LDLRAD3: variants seen among roughly 807,000 people sequenced by gnomAD.
LDLRAD3 encodes low density lipoprotein receptor class A domain containing 3, also known as low-density lipoprotein receptor class A domain-containing protein 3.
Under a neutral mutation model 29.4 loss-of-function variants are expected in LDLRAD3, and 20 were observed. That is an observed-to-expected ratio of 0.68 (90% CI 0.48 to 0.99). The LOEUF (loss-of-function observed/expected upper bound fraction) is 0.99. Ranked by LOEUF, LDLRAD3 falls within the 50% of genes least tolerant of loss-of-function variation. LDLRAD3 has a pLI of 0.00. For missense variants in LDLRAD3, 420 were observed against 454.3 expected (o/e 0.92, Z 0.69); for synonymous variants, 157 against 192.7 (o/e 0.81, Z 1.53).
chr11:36,076,224 C>A (rs1852998744), intron 2 of LDLRAD3, among the ~76,000 whole-genome samples: 1 of 147,872 alleles, frequency 6.8e-6, no homozygotes, highest in Non-Finnish European at 1.5e-5. Flanking sequence ...GTCCATCCGT[C>A]CATCCATCCA....
chr11:36,111,024 T>C (rs892252649), intron 4 of LDLRAD3, among the ~76,000 whole-genome samples: 1 of 152,076 alleles, frequency 6.6e-6, no homozygotes, highest in Non-Finnish European at 1.5e-5. Flanking sequence ...AGTGTGCATG[T>C]GTATGTGTGG....
intron 4 of LDLRAD3, among the ~76,000 whole-genome samples, chr11:36,152,963 C>G (rs1854297784): frequency 6.6e-6 from 1 of 152,130 alleles, no homozygotes; most frequent in Non-Finnish European, 1.5e-5. Context: ...CAAGCAGTCT[C>G]CTTTCTTAAT....
chr11:36,019,403 A>C (rs1263444239), intron 1 of LDLRAD3, among the ~76,000 whole-genome samples: 1 of 152,036 alleles, frequency 6.6e-6, no homozygotes, highest in Non-Finnish European at 1.5e-5. Flanking sequence ...GGCATTTCCT[A>C]TGTCAGTCTT....
chr11:36,164,640 G>C (rs1854490061), intron 4 of LDLRAD3, among the ~76,000 whole-genome samples: 1 of 152,238 alleles, frequency 6.6e-6, no homozygotes, highest in Non-Finnish European at 1.5e-5. Context: ...CAGTGAGTGA[G>C]CTTTAGCAAA....
intron 2 of LDLRAD3, among the ~76,000 whole-genome samples, chr11:36,054,840 A>AATGAATGG (rs1852585826): frequency 3.0e-5 from 4 of 133,706 alleles, no homozygotes; most frequent in African/African-American, 5.8e-5. Context: ...TGGATGGATG[A>AATGAATGG]ATGGATGGAT....
At chr11:36,223,826 G>A (rs1360595783) in intron 4 of LDLRAD3, among the ~76,000 whole-genome samples, 2 of 151,884 alleles carry the variant, frequency 1.3e-5, no homozygotes, top group Non-Finnish European at 2.9e-5. Context: ...TCCCCCAGAG[G>A]TGGCTCCCCC....
intron 4 of LDLRAD3, among the ~76,000 whole-genome samples, chr11:36,190,308 A>G (rs947173465): frequency 1.3e-5 from 2 of 152,230 alleles, no homozygotes; most frequent in African/African-American, 4.8e-5. Flanking sequence ...TAGTGTGGGC[A>G]ACATAGTGAG....
Position 36,229,624 on chromosome 11 carries a change from CCCTT to C in LDLRAD3, c.*228_*231del. The C allele has an allele frequency of 2.0e-6, 1 of 497,772 alleles. No individual in the cohort carries two copies. Among genetic ancestry groups the C allele is most frequent in the Non-Finnish European group, 3.6e-6 (1 of 280,622 alleles). The allele number at this position is 497,772 out of a possible 1,614,324, so 30.8% of individuals were successfully genotyped here. On this transcript the variant is annotated 3_prime_UTR_variant, in exon 6 of 6. Transcript: ENST00000315571. ...GCGTCTTTTCTGTCAGGTCACTCTTCCCTTGGGACCCGAGATCACACCCTCATTT... is the reference window on the plus strand; with the variant it reads ...GCGTCTTTTCTGTCAGGTCACTCTTCGGGACCCGAGATCACACCCTCATTT...
At chr11:36,142,243 T>G (rs986409541) in intron 4 of LDLRAD3, among the ~76,000 whole-genome samples, 1 of 152,222 alleles carries the variant, frequency 6.6e-6, no homozygotes, top group African/African-American at 2.4e-5. Flanking sequence ...ATGGTTTTAC[T>G]CTGATGAAAG....
At chr11:35,997,636 G>A (rs1565151302) in intron 1 of LDLRAD3, 1 of 204,608 alleles carries the variant, frequency 4.9e-6, no homozygotes, top group Non-Finnish European at 9.8e-6. Flanking sequence ...GTACACCTCA[G>A]GTATACGACT....
intron 4 of LDLRAD3, among the ~76,000 whole-genome samples, chr11:36,125,768 G>A (rs1853827565): frequency 6.6e-6 from 1 of 152,186 alleles, no homozygotes; most frequent in Non-Finnish European, 1.5e-5. Flanking sequence ...TGGTGGAGGT[G>A]GACAGAGTTT....
At chr11:36,123,165 C>T (rs907235705) in intron 4 of LDLRAD3, among the ~76,000 whole-genome samples, 23 of 152,120 alleles carry the variant, frequency 1.5e-4, no homozygotes, top group Admixed American at 1.2e-3. Context: ...CCAGCCTGGG[C>T]GACAGAGCGA....
chr11:36,055,056 T>C (rs1179983614), intron 2 of LDLRAD3, among the ~76,000 whole-genome samples: 4 of 22,328 alleles, frequency 1.8e-4, no homozygotes, highest in Non-Finnish European at 2.0e-4. Flanking sequence ...GATGGATAGA[T>C]GAATGGGTGG....
At chr11:36,030,395 C>T (rs557144558) in intron 1 of LDLRAD3, among the ~76,000 whole-genome samples, 1 of 151,942 alleles carries the variant, frequency 6.6e-6, no homozygotes, top group Non-Finnish European at 1.5e-5. Context: ...AAACAGATCA[C>T]TGCAGAGCCG....
At chr11:36,156,420 A>G (rs1333521788) in intron 4 of LDLRAD3, among the ~76,000 whole-genome samples, 1 of 152,234 alleles carries the variant, frequency 6.6e-6, no homozygotes, top group Non-Finnish European at 1.5e-5. Flanking sequence ...TGGATGGGGC[A>G]GTACAGGGCC....
At chr11:35,990,601 A>G (rs1851676088) in intron 1 of LDLRAD3, among the ~76,000 whole-genome samples, 1 of 151,002 alleles carries the variant, frequency 6.6e-6, no homozygotes, top group Non-Finnish European at 1.5e-5. Context: ...TTTTTAGTAG[A>G]GATGGGGTTT....
At chr11:35,946,401 T>C (rs1370581795) in intron 1 of LDLRAD3, among the ~76,000 whole-genome samples, 2 of 152,254 alleles carry the variant, frequency 1.3e-5, no homozygotes, top group Non-Finnish European at 2.9e-5. Flanking sequence ...GCCACTGACA[T>C]TCCAAGAGCA....
At chr11:36,190,508 C>T (rs889302604) in intron 4 of LDLRAD3, among the ~76,000 whole-genome samples, 3 of 151,860 alleles carry the variant, frequency 2.0e-5, no homozygotes, top group African/African-American at 7.3e-5. Context: ...TCTAAAAAAA[C>T]ATAATAATGG....
chr11:36,038,987 T>A (rs7114058), intron 2 of LDLRAD3, among the ~76,000 whole-genome samples: 34,322 of 148,966 alleles, frequency 0.23, 3,987 homozygotes, highest in African/African-American at 0.26. Context: ...TTTTTTTTTT[T>A]AGACGGAGTC....
Sources: allele counts gnomAD v4.1 joint callset (sites outside exome capture counted in the v4.1 genomes callset), GRCh38; gene constraint gnomAD v4.1.1; transcripts MANE v1.5; gene names NCBI Gene and HGNC (gene_info 2026-07-23, HGNC 2026-07-21).